Variants in CSMD3 observed in about 807,000 individuals in gnomAD.
CSMD3 encodes the protein CUB and Sushi multiple domains 3, also known as CUB and sushi domain-containing protein 3.
In CSMD3, 177 loss-of-function variants were observed where a neutral mutation model predicts 435.2. The ratio of observed to expected loss-of-function variants is 0.41; its 90% CI spans 0.36 to 0.46. CSMD3 has a LOEUF of 0.46. Among genes scored for constraint, CSMD3 ranks in the 20% least tolerant of loss-of-function variants. The pLI is 0.34. For synonymous variants in CSMD3, 1,656 were observed against 1,520.5 expected (o/e 1.09, Z -2.07); for missense variants, 4,265 against 4,504.6 (o/e 0.95, Z 1.52).
chr8:112,855,549 T>A (rs1317945601), intron 11 of CSMD3, among the ~76,000 whole-genome samples: 1 of 152,050 alleles, frequency 6.6e-6, no homozygotes, highest in Non-Finnish European at 1.5e-5. Context: ...GTATCATGAG[T>A]TCTATATAAG....
At chr8:113,100,008 C>T (rs1326826830) in intron 4 of CSMD3, among the ~76,000 whole-genome samples, 1 of 151,992 alleles carries the variant, frequency 6.6e-6, no homozygotes, top group Non-Finnish European at 1.5e-5. Context: ...AGAACCTAAA[C>T]AAATGGAGAT....
intron 37 of CSMD3, among the ~76,000 whole-genome samples, chr8:112,382,251 C>A (rs1308328266): frequency 7.4e-6 from 1 of 134,570 alleles, no homozygotes; most frequent in African/African-American, 2.7e-5. Context: ...ACCACTGCAC[C>A]AAAGTCTGGG....
chr8:112,678,409 T>G (rs979909720), intron 16 of CSMD3, among the ~76,000 whole-genome samples: 1 of 152,148 alleles, frequency 6.6e-6, no homozygotes, highest in African/African-American at 2.4e-5. Context: ...CAAAAGTACC[T>G]GCAACAAGAT....
At chr8:113,071,749 T>G (rs1212664399) in intron 5 of CSMD3, among the ~76,000 whole-genome samples, 3 of 151,932 alleles carry the variant, frequency 2.0e-5, no homozygotes, top group Admixed American at 6.6e-5. Context: ...TGCCTCCAGT[T>G]TTGTTCTTCT....
chr8:112,332,191 G>C (rs913701291), intron 45 of CSMD3, among the ~76,000 whole-genome samples: 1 of 152,026 alleles, frequency 6.6e-6, no homozygotes, highest in African/African-American at 2.4e-5. Flanking sequence ...AAACTCCTAA[G>C]GCTTATAAAA....
chr8:113,109,833 T>C (rs72685836), intron 4 of CSMD3, among the ~76,000 whole-genome samples: 14,665 of 152,258 alleles, frequency 0.096, 913 homozygotes, highest in Middle Eastern at 0.17. Flanking sequence ...GTTTTCTTTC[T>C]GAGTTCCACA....
intron 27 of CSMD3, among the ~76,000 whole-genome samples, chr8:112,524,908 C>A (rs1765751627): frequency 2.0e-5 from 3 of 151,868 alleles, no homozygotes; most frequent in African/African-American, 7.3e-5. Context: ...GGTTTCTTAG[C>A]CACATTTAAT....
chr8:113,271,547 A>G (rs1301118478), intron 3 of CSMD3, among the ~76,000 whole-genome samples: 2 of 152,198 alleles, frequency 1.3e-5, no homozygotes, highest in Non-Finnish European at 2.9e-5. Flanking sequence ...GCGGGTGAAC[A>G]GAAGCCAAGA....
intron 3 of CSMD3, among the ~76,000 whole-genome samples, chr8:113,222,813 C>T (rs909313226): frequency 8.6e-5 from 13 of 150,962 alleles, no homozygotes; most frequent in South Asian, 4.1e-4. Context: ...GCTTTATAGA[C>T]AATTTGACAT....
chr8:112,285,893 G>A (rs2111427), intron 58 of CSMD3, among the ~76,000 whole-genome samples: 35,746 of 151,544 alleles, frequency 0.24, 4,396 homozygotes, highest in East Asian at 0.36. Context: ...TAATTTTTAA[G>A]ATTTTTGTAG....
chr8:112,448,932 G>C (rs547762761), intron 32 of CSMD3, among the ~76,000 whole-genome samples: 1 of 152,258 alleles, frequency 6.6e-6, no homozygotes, highest in Non-Finnish European at 1.5e-5. Context: ...TCTTTGATAG[G>C]AACTGAAAGG....
At chr8:112,234,291 A>C in intron 68 of CSMD3, 74 bp downstream of exon 68, 1 of 923,300 alleles carries the variant, frequency 1.1e-6, no homozygotes, top group South Asian at 1.3e-5. Flanking sequence ...TAAATTTAGA[A>C]AACTCTCCTT....
At chr8:112,755,395 G>A (rs4352878) in intron 13 of CSMD3, among the ~76,000 whole-genome samples, 2,013 of 150,162 alleles carry the variant, frequency 0.013, 26 homozygotes, top group Middle Eastern at 0.045. Flanking sequence ...CCTCCATGCC[G>A]TTCTCATGAT....
intron 10 of CSMD3, among the ~76,000 whole-genome samples, chr8:112,880,745 G>C (rs1267977761): frequency 6.6e-6 from 1 of 151,844 alleles, no homozygotes; most frequent in Non-Finnish European, 1.5e-5. Context: ...TCAAGCTAAG[G>C]GGGGATACTT....
chr8:113,160,697 G>A (rs951718765), intron 4 of CSMD3, among the ~76,000 whole-genome samples: 5 of 151,980 alleles, frequency 3.3e-5, no homozygotes, highest in Middle Eastern at 3.4e-3. Flanking sequence ...TTAAAAGAAC[G>A]CATAAAGATA....
intron 31 of CSMD3, among the ~76,000 whole-genome samples, chr8:112,485,223 CA>C (rs1230778840): frequency 6.6e-6 from 1 of 152,078 alleles, no homozygotes; most frequent in Non-Finnish European, 1.5e-5. Context: ...TATCCCAATG[CA>C]ATGCAAAATA....
intron 3 of CSMD3, among the ~76,000 whole-genome samples, chr8:113,212,049 A>G (rs916135058): frequency 6.6e-6 from 1 of 152,216 alleles, no homozygotes; most frequent in Non-Finnish European, 1.5e-5. Flanking sequence ...GTATTACTTC[A>G]GAAAGCTAGG....
At chr8:112,408,855 A>G (rs1586226606) in intron 33 of CSMD3, 64 bp downstream of exon 33, 11 of 1,612,076 alleles carry the variant, frequency 6.8e-6, no homozygotes, top group South Asian at 3.3e-5. Flanking sequence ...AACTTTCACT[A>G]CAATACTAAT....
chr8:112,442,692 C>T (rs917436694), intron 32 of CSMD3, among the ~76,000 whole-genome samples: 1 of 152,160 alleles, frequency 6.6e-6, no homozygotes, highest in African/African-American at 2.4e-5. Flanking sequence ...TCCCTGCAGC[C>T]TAACGTGTTT....
Sources: gnomAD v4.1 joint callset for allele counts (sites outside exome capture counted in the v4.1 genomes callset) on GRCh38, gnomAD v4.1.1 for gene constraint, MANE v1.5 for transcripts, NCBI Gene and HGNC (gene_info 2026-07-23, HGNC 2026-07-21) for gene names.